PTCH1: variants seen among roughly 807,000 people sequenced by gnomAD.
PTCH1 encodes the protein patched 1.
In PTCH1, 14 loss-of-function variants were observed where a neutral mutation model predicts 144.6. The observed-to-expected ratio is 0.10, with a 90% CI of 0.06 to 0.15. The LOEUF is 0.15. PTCH1 is among the 10% of genes least tolerant of loss of function. PTCH1 has a pLI of 1.00. For missense variants in PTCH1, 1,623 were observed against 1,948.3 expected, an observed-to-expected ratio of 0.83 and a Z score of 3.14; for synonymous variants, 833 against 793.6, an observed-to-expected ratio of 1.05 and a Z score of -0.83.
In PTCH1 at chr9:95,507,916, A is replaced by T. The variant is rs1469618739; in HGVS notation, c.201+245T>A. The T allele has an allele frequency of 3.6e-6, 5 of 1,386,000 alleles. No homozygotes were observed. In the African/African-American group the frequency reaches 7.3e-5, roughly 20 times the overall value. 85.9% of individuals were successfully genotyped at this position (1,386,000 alleles called of 1,614,324 possible). On this transcript the variant is annotated intron_variant, in intron 1 of 23. Coordinates refer to ENST00000331920, the MANE Select transcript of PTCH1 (RefSeq NM_000264.5). ...GGAGGGCGTGTGTATACACACACAC[A>T]CACGCACACACACACACCTCCACCC...
chr9:95,478,227 A>G lies in PTCH1; in HGVS notation c.1216-41T>C, dbSNP rs374924598. 4.3e-6 allele frequency: 7 copies of G among 1,613,674 alleles called. No individual in the cohort carries two copies. The Admixed American group carries it at 6.7e-5, about 15-fold the overall frequency. On this transcript the variant is annotated intron_variant, in intron 8 of 23. Coordinates refer to ENST00000331920, the MANE Select transcript of PTCH1 (RefSeq NM_000264.5). ...AATGCGAAATGCCCAAATGCAATGAACACTTCCACAAGCCTCGACAGCACA... is the reference window on the plus strand; with the variant it reads ...AATGCGAAATGCCCAAATGCAATGAGCACTTCCACAAGCCTCGACAGCACA...
intron 8 of PTCH1, 116 bp downstream of exon 8, chr9:95,478,884 C>T: frequency 6.7e-7 from 1 of 1,501,860 alleles, no homozygotes; most frequent in East Asian, 2.4e-5. Flanking sequence ...CCATCAAGTT[C>T]CCAGAATTGC....
chr9:95,449,270 G>T lies in PTCH1; in HGVS notation c.3603C>A (p.Pro1201=). ...NRLPTPSPEP[P]PSVVRFAMPP... ...GCATGGCGAAGCGGACCACGCTGGG[G>T]GGTGGCTCAGGGGAGGGTGTGGGCA... is the stretch of plus-strand genomic sequence containing the variant. Residue 1201 remains proline, a synonymous_variant, in exon 22 of 24, where the codon CCC becomes CCA. Coordinates refer to ENST00000331920, the MANE Select transcript of PTCH1 (RefSeq NM_000264.5). This position sits in a 1 kb window ranked among gnomAD's most constrained non-coding sequence, Gnocchi z 5.3. The T allele has an allele frequency of 6.4e-7, 1 of 1,562,860 alleles. No individual in the cohort carries two copies.
rs755013836 is a variant in PTCH1, at chr9:95,485,882, A to T, written c.395-8T>A. ...GACTTACTCGTCCTCCAACTGACAA[A>T]TATGTACAGGTTTAATTAGAATAGC... On this transcript the variant is annotated splice_region_variant and splice_polypyrimidine_tract_variant and intron_variant, in intron 2 of 23. Transcript: ENST00000331920. The T allele has an allele frequency of 1.9e-6, 3 of 1,614,016 alleles. No individual in the cohort carries two copies. In the African/African-American group the frequency reaches 4.0e-5, roughly 22 times the overall value.
At position 95,456,294 on chromosome 9, in the gene PTCH1, G is replaced by A. The variant is rs745563970; in HGVS notation, c.3288C>T (p.Phe1096=). ...CCCATACCAAAGCAACGTGAACGGT[G>A]AACTCCACTCCTATGCCAACAGAAG... ...LIASVGIGVE[F]TVHVALAFLT... is the part of the protein sequence containing the mutation. Residue 1096 remains phenylalanine (F), a synonymous_variant, in exon 19 of 24, where the codon TTC becomes TTT. Transcript: ENST00000331920. The A allele has an allele frequency of 6.2e-7, 1 of 1,613,954 alleles. No individual in the cohort carries two copies. The highest frequency in any genetic ancestry group is 8.5e-7 in the Non-Finnish European group (1 of 1,180,030).
intron 12 of PTCH1, among the ~76,000 whole-genome samples, chr9:95,473,388 G>C (rs1840745994): frequency 6.6e-6 from 1 of 152,084 alleles, no homozygotes; most frequent in Non-Finnish European, 1.5e-5. Context: ...TGAACACCCA[G>C]AGTCAAACCT....
intron 2 of PTCH1, 66 bp from the exon 3 acceptor site, chr9:95,485,940 T>C (rs1182043113): frequency 1.3e-6 from 2 of 1,550,822 alleles, no homozygotes; most frequent in African/African-American, 2.7e-5. Context: ...TTATCTGTTA[T>C]CTGACTACCT....
At chr9:95,463,719 G>A (rs1037990522) in intron 15 of PTCH1, among the ~76,000 whole-genome samples, 23 of 152,224 alleles carry the variant, frequency 1.5e-4, no homozygotes, top group African/African-American at 5.1e-4. Context: ...GGACAGCCCC[G>A]TTAGAGTTAA....
At chr9:95,486,804 T>G (rs192183743) in intron 2 of PTCH1, among the ~76,000 whole-genome samples, 14 of 152,264 alleles carry the variant, frequency 9.2e-5, no homozygotes, top group Admixed American at 5.2e-4. Flanking sequence ...CAAGCCAAGC[T>G]CCGAATGCTG....
At position 95,479,099 on chromosome 9, in the gene PTCH1, C is replaced by A. The variant is rs1841328115; in HGVS notation, c.1116G>T (p.Met372Ile). The change falls in exon 8 of 24, where the codon ATG becomes ATT. Residue 372 changes from methionine to isoleucine, a missense_variant. Physicochemically the swap from Met to Ile is conservative, Grantham distance 10. Coordinates refer to ENST00000331920, the MANE Select transcript of PTCH1 (RefSeq NM_000264.5). ...TMFQLMTPKQ[M>I]YEHFKGYEYV... Reference sequence around the variant, plus strand: ...ACTCGTACCCCTTGAAGTGCTCGTACATTTGCTTGGGAGTCATTAACTGGA... The same window carrying A: ...ACTCGTACCCCTTGAAGTGCTCGTAAATTTGCTTGGGAGTCATTAACTGGA... 2 of 1,613,996 alleles carry A rather than the reference C, an allele frequency of 1.2e-6. No individual in the cohort carries two copies. Among genetic ancestry groups the A allele is most frequent in the African/African-American group, 2.7e-5 (2 of 74,878 alleles).
chr9:95,490,719 G>C (rs904746532), intron 2 of PTCH1, among the ~76,000 whole-genome samples: 1 of 152,128 alleles, frequency 6.6e-6, no homozygotes, highest in Non-Finnish European at 1.5e-5. Context: ...AGGCTGGGAA[G>C]AATGAGAGGG....
intron 20 of PTCH1, 99 bp downstream of exon 20, chr9:95,453,379 C>T: frequency 6.4e-7 from 1 of 1,567,520 alleles, no homozygotes; most frequent in Non-Finnish European, 8.7e-7. Context: ...ATCCACCCGC[C>T]TCGGCCTCCT....
chr9:95,504,031 A>C (rs1374346017), intron 2 of PTCH1, among the ~76,000 whole-genome samples: 3 of 48,314 alleles, frequency 6.2e-5, no homozygotes, highest in African/African-American at 3.4e-4. Context: ...TCAAAAAAAA[A>C]AAAAAAAAAA....
chr9:95,474,301 C>T (rs1840846164), intron 12 of PTCH1, among the ~76,000 whole-genome samples: 1 of 152,108 alleles, frequency 6.6e-6, no homozygotes, highest in African/African-American at 2.4e-5. Context: ...AGAACAGTTT[C>T]TCAATACCAG....
upstream of PTCH1, among the ~76,000 whole-genome samples, chr9:95,510,993 G>A (rs1005576512): frequency 6.7e-6 from 1 of 149,982 alleles, no homozygotes; most frequent in Non-Finnish European, 1.5e-5. Context: ...AGCCGGCGCG[G>A]ACGGACGTGC....
Position 95,479,761 on chromosome 9 carries a change from A to T in PTCH1, c.1067+208T>A, listed in dbSNP as rs963033950. 1.9e-5 allele frequency: 14 copies of T among 737,072 alleles called. No individual in the cohort carries two copies. In the African/African-American group the frequency reaches 2.5e-4, roughly 13 times the overall value. 45.7% of individuals were successfully genotyped at this position (737,072 alleles called of 1,614,324 possible). On this transcript the variant is annotated intron_variant, in intron 7 of 23. Transcript: ENST00000331920. ...AACTATGGTCCTGATGAAAACTACA[A>T]ATCCATTCTTGAAAAATTCCCCACA...
chr9:95,452,099 C>T (rs1220084993), intron 20 of PTCH1: 2 of 152,144 alleles, frequency 1.3e-5, no homozygotes, highest in African/African-American at 2.4e-5. Flanking sequence ...GTGTGAGAAG[C>T]GCTGGTCTAC....
At chr9:95,501,927 G>C (rs572551662) in intron 2 of PTCH1, among the ~76,000 whole-genome samples, 3 of 152,276 alleles carry the variant, frequency 2.0e-5, no homozygotes, top group East Asian at 3.9e-4. Flanking sequence ...AGCATTCGTG[G>C]CTCCAGGGAA....
intron 2 of PTCH1, among the ~76,000 whole-genome samples, chr9:95,505,977 CT>C (rs1479369870): frequency 2.0e-5 from 3 of 147,710 alleles, no homozygotes; most frequent in Non-Finnish European, 4.5e-5. Flanking sequence ...TCCCCGACTC[CT>C]TTTTCTTTGG....
Sources: gnomAD v4.1 joint callset for allele counts (sites outside exome capture counted in the v4.1 genomes callset) on GRCh38, gnomAD v4.1.1 for gene constraint, Gnocchi (gnomAD v3.1) non-coding constraint, MANE v1.5 for transcripts, NCBI Gene and HGNC (gene_info 2026-07-23, HGNC 2026-07-21) for gene names.